ELFN1: variants seen among roughly 807,000 people sequenced by gnomAD.
The protein encoded by ELFN1 is extracellular leucine rich repeat and fibronectin type III domain containing 1.
Under a neutral mutation model 7.6 loss-of-function variants are expected in ELFN1, and 6 were observed. The observed-to-expected ratio is 0.79, with a 90% CI of 0.43 to 1.56. The LOEUF is 1.56. ELFN1 is among the 40% of genes most tolerant of loss of function. The probability of loss-of-function intolerance (pLI) is 0.01; values close to 1 mark genes in which losing one functional copy is unlikely to be tolerated. For synonymous variants in ELFN1, 657 were observed against 588.1 expected (o/e 1.12, Z -1.70); for missense variants, 1,169 against 1,232.2 (o/e 0.95, Z 0.77).
chr7:1,698,561 G>A (rs1779365326), intron 2 of ELFN1, among the ~76,000 whole-genome samples: 1 of 152,084 alleles, frequency 6.6e-6, no homozygotes, highest in East Asian at 1.9e-4. Context: ...TGGGGGCCTG[G>A]CATTTGAATA....
intron 3 of ELFN1, among the ~76,000 whole-genome samples, chr7:1,721,846 G>C (rs771225545): frequency 6.6e-6 from 1 of 152,148 alleles, no homozygotes; most frequent in African/African-American, 2.4e-5. Flanking sequence ...AGTCTCCCTC[G>C]GTCCCCTGTG....
At chr7:1,700,493 C>G (rs1432717419) in intron 2 of ELFN1, among the ~76,000 whole-genome samples, 2 of 152,252 alleles carry the variant, frequency 1.3e-5, no homozygotes, top group East Asian at 3.8e-4. Flanking sequence ...CTGGTCAACA[C>G]TCTCCGGGGG....
chr7:1,736,282 G>A (rs574819458), intron 3 of ELFN1, among the ~76,000 whole-genome samples: 139 of 152,100 alleles, frequency 9.1e-4, no homozygotes, highest in African/African-American at 3.2e-3. Context: ...TCCCCCACAC[G>A]TCTGGCCCTC....
intron 3 of ELFN1, among the ~76,000 whole-genome samples, chr7:1,725,178 G>A (rs1392061667): frequency 3.3e-5 from 5 of 152,256 alleles, no homozygotes; most frequent in Non-Finnish European, 7.3e-5. Context: ...CCCAAAACCT[G>A]GTGGGTGCAG....
intron 3 of ELFN1, among the ~76,000 whole-genome samples, chr7:1,738,364 G>A (rs1314660289): frequency 6.6e-6 from 1 of 152,180 alleles, no homozygotes; most frequent in Non-Finnish European, 1.5e-5. Flanking sequence ...TGTGGGTTAG[G>A]GTTAGGACCC....
upstream of ELFN1, among the ~76,000 whole-genome samples, chr7:1,666,666 G>A (rs540270193): frequency 1.0e-3 from 156 of 151,820 alleles, no homozygotes; most frequent in African/African-American, 3.6e-3. The surrounding 1 kb of genome is among the most constrained non-coding windows in gnomAD (Gnocchi z 7.9). Flanking sequence ...GCGCCTTCGA[G>A]TGCGCTGGGG....
chr7:1,698,114 G>C (rs1779356373), intron 2 of ELFN1, among the ~76,000 whole-genome samples: 1 of 152,118 alleles, frequency 6.6e-6, no homozygotes, highest in South Asian at 2.1e-4. Context: ...ATCTCTCTAG[G>C]TATCCTTTTT....
intron 3 of ELFN1, among the ~76,000 whole-genome samples, chr7:1,726,153 C>T (rs1780190298): frequency 6.6e-6 from 1 of 152,162 alleles, no homozygotes; most frequent in South Asian, 2.1e-4. Context: ...GAACGCAGGG[C>T]TCCAAGGTCC....
chr7:1,729,220 G>A (rs12540095), intron 3 of ELFN1, among the ~76,000 whole-genome samples: 37 of 152,228 alleles, frequency 2.4e-4, no homozygotes, highest in Non-Finnish European at 4.3e-4. Flanking sequence ...GAGCTTGGAG[G>A]AGGCCTGGGG....
intron 1 of ELFN1, among the ~76,000 whole-genome samples, 117 bp from the exon 2 acceptor site, chr7:1,687,941 G>T (rs1779088299): frequency 6.6e-6 from 1 of 151,534 alleles, no homozygotes; most frequent in South Asian, 2.1e-4. Context: ...ATGTTGCCCA[G>T]ACTGGTGTCA....
At chr7:1,719,322 G>C (rs1490511346) in intron 3 of ELFN1, among the ~76,000 whole-genome samples, 12 of 52,102 alleles carry the variant, frequency 2.3e-4, no homozygotes, top group African/African-American at 1.4e-3. Context: ...CAGGACCCAA[G>C]CCACCAACAG....
chr7:1,720,702 G>A (rs986848971), intron 3 of ELFN1, among the ~76,000 whole-genome samples: 2 of 151,920 alleles, frequency 1.3e-5, no homozygotes, highest in East Asian at 1.9e-4. Flanking sequence ...CTCCCCTTCC[G>A]GTGGTGGGAT....
At chr7:1,743,459 G>T (rs1378630714) in intron 3 of ELFN1, among the ~76,000 whole-genome samples, 4 of 152,180 alleles carry the variant, frequency 2.6e-5, no homozygotes, top group Admixed American at 1.3e-4. Context: ...AAGGGAGGTG[G>T]CCCCTATCCA....
intron 3 of ELFN1, among the ~76,000 whole-genome samples, chr7:1,718,405 C>T (rs1437624607): frequency 3.3e-5 from 5 of 152,136 alleles, no homozygotes; most frequent in South Asian, 2.1e-4. Flanking sequence ...TCACCCTCAG[C>T]GGGCCTGACT....
intron 1 of ELFN1, among the ~76,000 whole-genome samples, chr7:1,682,946 A>G (rs1224736299): frequency 1.3e-5 from 2 of 152,100 alleles, no homozygotes; most frequent in Non-Finnish European, 2.9e-5. Context: ...ATTTTTCTAT[A>G]TCTATTAAGG....
At chr7:1,714,422 C>T (rs1351157901) in intron 3 of ELFN1, among the ~76,000 whole-genome samples, 2 of 152,204 alleles carry the variant, frequency 1.3e-5, no homozygotes, top group South Asian at 2.1e-4. Flanking sequence ...TCAAGCCTAC[C>T]GCCTTCCTCT....
In ELFN1 at chr7:1,735,875, C is replaced by T. The variant is rs1181922181; in HGVS notation, c.-293-8429C>T. Reference sequence around the variant, plus strand: ...CATCCCCCACCACAACCCTGGGAGGCGGACACCGTGATGATCTCTGTTTGA... The same window carrying T: ...CATCCCCCACCACAACCCTGGGAGGTGGACACCGTGATGATCTCTGTTTGA... On this transcript the variant is annotated intron_variant, in intron 3 of 3. Coordinates refer to ENST00000424383, the MANE Select transcript of ELFN1 (RefSeq NM_001128636.4). The surrounding 1 kb of genome is among the most constrained non-coding windows in gnomAD (Gnocchi z 5.9). 2.6e-5 allele frequency among the ~76,000 whole-genome samples: 4 copies of T among 152,126 alleles called. No individual in the cohort carries two copies. Among genetic ancestry groups the T allele is most frequent in the Non-Finnish European group, 5.9e-5 (4 of 68,010 alleles).
intron 1 of ELFN1, among the ~76,000 whole-genome samples, chr7:1,685,881 GAT>G (rs1161272675): frequency 6.8e-6 from 1 of 147,096 alleles, no homozygotes; most frequent in East Asian, 1.9e-4. Context: ...ACCATTGAAA[GAT>G]ATTTATATTA....
At position 1,673,043 on chromosome 7, in the gene ELFN1, G is replaced by A. The variant is rs958521983; in HGVS notation, c.-549+2689G>A. 3.3e-5 allele frequency among the ~76,000 whole-genome samples: 5 copies of A among 152,096 alleles called. No individual in the cohort carries two copies. Among genetic ancestry groups the A allele is most frequent in the African/African-American group, 7.2e-5 (3 of 41,412 alleles). On this transcript the variant is annotated intron_variant, in intron 1 of 3. Transcript: ENST00000424383. The surrounding 1 kb of genome is among the most constrained non-coding windows in gnomAD (Gnocchi z 4.7). ...CAGGCGTGAACCTGGAGCGGATGGT[G>A]GCACCGCCGCGGACATTGGATACAT...
Sources: allele counts gnomAD v4.1 joint callset (sites outside exome capture counted in the v4.1 genomes callset), GRCh38; gene constraint gnomAD v4.1.1; non-coding constraint Gnocchi (gnomAD v3.1); transcripts MANE v1.5; gene names NCBI Gene and HGNC (gene_info 2026-07-23, HGNC 2026-07-21).